The following ALDH7A1 variants were observed in gnomAD, a reference collection of about 807,000 sequenced individuals.
ALDH7A1 encodes the protein alpha-aminoadipic semialdehyde dehydrogenase.
A neutral mutation model predicts 79.9 loss-of-function variants in ALDH7A1; 63 were observed. The ratio of observed to expected loss-of-function variants is 0.79; its 90% confidence interval spans 0.64 to 0.97. The LOEUF (loss-of-function observed/expected upper bound fraction) is 0.97, where lower values mean the gene tolerates loss of function less well. ALDH7A1 is among the 50% of genes least tolerant of loss of function. ALDH7A1 has a pLI of 0.00. For synonymous variants in ALDH7A1, 240 were observed against 231.2 expected, an observed-to-expected ratio of 1.04 and a Z score of -0.34; for missense variants, 627 against 665.2, an observed-to-expected ratio of 0.94 and a Z score of 0.63.
intron 7 of ALDH7A1, among the ~76,000 whole-genome samples, chr5:126,572,349 C>A (rs74419541): frequency 1.3e-5 from 2 of 152,204 alleles, no homozygotes; most frequent in Non-Finnish European, 2.9e-5. Context: ...ATGTACAATT[C>A]TTCCCAGGGA....
Position 126,546,398 on chromosome 5 carries a change from T to G in ALDH7A1, c.1491A>C (p.Gly497=). ...TSGAEIGGAF[G]GEKHTGGGRE... is the part of the protein sequence containing the mutation. ...TGCCACCACCAGTGTGCTTTTCTCC[T>G]CCTAGAGAAATAAAAAATAATATCA... Residue 497 remains glycine, a splice_region_variant and synonymous_variant, in exon 17 of 18, where the codon GGA becomes GGC. Transcript: ENST00000409134. The G allele has an allele frequency of 6.2e-7, 1 of 1,613,680 alleles. No homozygotes were observed.
chr5:126,543,379 C>A lies in ALDH7A1; in HGVS notation c.*1586G>T, dbSNP rs1468057201. 1 of 152,160 alleles carries A rather than the reference C, an allele frequency of 6.6e-6. No individual in the cohort carries two copies. The highest frequency in any genetic ancestry group is 2.4e-5 in the African/African-American group (1 of 41,442). 9.4% of individuals were successfully genotyped at this position (152,160 alleles called of 1,614,324 possible). On this transcript the variant is annotated 3_prime_UTR_variant, in exon 18 of 18. Transcript: ENST00000409134. ...TCTATAGCTAAGATTATCACTCCCA[C>A]ATACCCTCACCCATGATTTCTTCCT...
intron 16 of ALDH7A1, among the ~76,000 whole-genome samples, chr5:126,546,806 TATTAA>T (rs1169215715): frequency 6.6e-6 from 1 of 152,196 alleles, no homozygotes; most frequent in African/African-American, 2.4e-5. Context: ...CAATAACTTG[TATTAA>T]ATTATCAGGG....
rs1334697904 is a variant in ALDH7A1, at chr5:126,543,574, T to C, written c.*1391A>G. On this transcript the variant is annotated 3_prime_UTR_variant, in exon 18 of 18. Transcript: ENST00000409134. ...TTAGTTTTTCATTTGCTTACTTCTC[T>C]GGGCCATAATTCAACCCCAAATTAT... 1.3e-5 allele frequency: 2 copies of C among 152,244 alleles called. No individual in the cohort carries two copies. Among genetic ancestry groups the C allele is most frequent in the Non-Finnish European group, 2.9e-5 (2 of 68,042 alleles). 9.4% of individuals were successfully genotyped at this position (152,244 alleles called of 1,614,324 possible).
intron 8 of ALDH7A1, chr5:126,568,897 T>C: frequency 6.3e-6 from 1 of 158,490 alleles, no homozygotes; most frequent in Non-Finnish European, 1.4e-5. Context: ...CCAGCCTAGG[T>C]GACAGAGTGA....
At position 126,542,137 on chromosome 5, in the gene ALDH7A1, C is replaced by T. The variant is rs1257382497; in HGVS notation, c.*2828G>A. The T allele has an allele frequency of 7.2e-6, 1 of 138,004 alleles. No homozygotes were observed. Among genetic ancestry groups the T allele is most frequent in the Non-Finnish European group, 1.5e-5 (1 of 65,596 alleles). The allele number at this position is 138,004 out of a possible 1,614,324, so 8.5% of individuals were successfully genotyped here. A position where few individuals can be genotyped will look rare whatever the true frequency, so the allele number is the denominator to read the frequency against. On this transcript the variant is annotated 3_prime_UTR_variant, in exon 18 of 18. Transcript: ENST00000409134. ...GCAGGAAGCTTCTGCAGGATAAGCTCCAGGTGTAGAAAAAAAAAAAAAAAA... is the reference window on the plus strand; with the variant it reads ...GCAGGAAGCTTCTGCAGGATAAGCTTCAGGTGTAGAAAAAAAAAAAAAAAA...
chr5:126,593,499 A>C, intron 1 of ALDH7A1, 95 bp from the exon 2 acceptor site: 2 of 1,539,154 alleles, frequency 1.3e-6, no homozygotes, highest in Non-Finnish European at 1.8e-6. Context: ...AGAGAGGAAA[A>C]AATGATATAA....
intron 7 of ALDH7A1, among the ~76,000 whole-genome samples, chr5:126,575,034 A>C (rs1017131453): frequency 6.6e-6 from 1 of 152,194 alleles, no homozygotes; most frequent in African/African-American, 2.4e-5. Context: ...TTTTGTTAAC[A>C]CTCTATTAAG....
rs756568507 is a variant in ALDH7A1, at chr5:126,554,331, C to T, written c.1156G>A (p.Glu386Lys). ...QAVSMFLGAV[E>K]EAKKEGGTVV... ...GTGCCACCTTCTTTCTTTGCTTCTT[C>T]CACTGCTCCAAGAAACATGCTCACT... The change falls in exon 13 of 18, where the codon GAA becomes AAA. Residue 386 changes from glutamate to lysine, a missense_variant. Physicochemically the swap from Glu to Lys is moderately conservative, Grantham distance 56. Coordinates refer to ENST00000409134, the MANE Select transcript of ALDH7A1 (RefSeq NM_001182.5). 4.2e-5 allele frequency: 67 copies of T among 1,614,030 alleles called. No individual in the cohort carries two copies. Among genetic ancestry groups the T allele is most frequent in the Non-Finnish European group, 5.5e-5 (65 of 1,180,016 alleles).
intron 9 of ALDH7A1, among the ~76,000 whole-genome samples, chr5:126,565,673 C>T (rs1226275552): frequency 6.6e-6 from 1 of 152,132 alleles, no homozygotes; most frequent in African/African-American, 2.4e-5. Context: ...TTCTAAGAAA[C>T]CATCGCCTAA....
chr5:126,554,638 G>A, intron 12 of ALDH7A1: 1 of 517,856 alleles, frequency 1.9e-6, no homozygotes, highest in South Asian at 2.0e-5. Flanking sequence ...TAAATGACAT[G>A]CAAATGAGTG....
intron 17 of ALDH7A1, among the ~76,000 whole-genome samples, chr5:126,545,514 C>G (rs1383721764): frequency 6.7e-6 from 1 of 148,222 alleles, no homozygotes; most frequent in Non-Finnish European, 1.5e-5. Flanking sequence ...CCACCTGCCT[C>G]AGCCTCCTGA....
rs1162631387 is a variant in ALDH7A1 at position 126,575,432 on chromosome 5, A to G, written c.683T>C (p.Val228Ala). Reference protein sequence around the residue: ...KGAPTTSLISVAVTKIIAKVL... With the variant: ...KGAPTTSLISAAVTKIIAKVL... ...CACATGTACTTACTTTGTGACAGCC[A>G]CACTAATGAGGGAAGTGGTTGGAGC... is the stretch of plus-strand genomic sequence containing the variant. The change falls in exon 7 of 18, where the codon GTG becomes GCG. Residue 228 changes from valine (V) to alanine (A), a missense_variant. Coordinates refer to ENST00000409134, the MANE Select transcript of ALDH7A1 (RefSeq NM_001182.5). The G allele has an allele frequency of 3.7e-6, 6 of 1,613,522 alleles. No individual in the cohort carries two copies. The highest frequency in any genetic ancestry group is 1.7e-5 in the Admixed American group (1 of 59,980).
intron 9 of ALDH7A1, among the ~76,000 whole-genome samples, chr5:126,565,335 G>A (rs1750540114): frequency 1.4e-5 from 2 of 143,702 alleles, no homozygotes; most frequent in Admixed American, 1.4e-4. Context: ...AGAGGTTGCA[G>A]TGAGCCAGGA....
chr5:126,577,138 A>G lies in ALDH7A1; in HGVS notation c.591T>C (p.Pro197=). 6.2e-7 allele frequency: 1 copy of G among 1,614,218 alleles called. No individual in the cohort carries two copies. Among genetic ancestry groups the G allele is most frequent in the Non-Finnish European group, 8.5e-7 (1 of 1,180,042 alleles). ...LVGIITAFNF[P]VAVYGWNNAI... ...CGTTGTTCCAACCATACACTGCCAC[A>G]GGGAAATTGAATGCCGTGATGATTC... The change falls in exon 6 of 18, where the codon CCT becomes CCC. Residue 197 remains proline, a synonymous_variant. Coordinates refer to ENST00000409134, the MANE Select transcript of ALDH7A1 (RefSeq NM_001182.5).
intron 7 of ALDH7A1, among the ~76,000 whole-genome samples, chr5:126,572,394 G>A (rs1750806004): frequency 6.6e-6 from 1 of 152,166 alleles, no homozygotes; most frequent in East Asian, 1.9e-4. Flanking sequence ...CAAGTAGACT[G>A]TACTCTCTTT....
intron 7 of ALDH7A1, among the ~76,000 whole-genome samples, chr5:126,572,124 A>G (rs1750799114): frequency 2.0e-5 from 3 of 152,302 alleles, no homozygotes; most frequent in Non-Finnish European, 1.5e-5. Flanking sequence ...AGCAAAGGTT[A>G]TTTTCATCAA....
intron 9 of ALDH7A1, among the ~76,000 whole-genome samples, chr5:126,567,383 T>C (rs1475694392): frequency 1.3e-5 from 2 of 152,226 alleles, no homozygotes; most frequent in Non-Finnish European, 2.9e-5. Flanking sequence ...TCAAGTACTA[T>C]TTCTTTACAG....
At chr5:126,557,417 T>C (rs1750234058) in intron 11 of ALDH7A1, among the ~76,000 whole-genome samples, 1 of 151,834 alleles carries the variant, frequency 6.6e-6, no homozygotes, top group South Asian at 2.1e-4. Context: ...CAAAATCCCA[T>C]CTCTAATAAA....
Sources: allele counts gnomAD v4.1 joint callset (sites outside exome capture counted in the v4.1 genomes callset), GRCh38; gene constraint gnomAD v4.1.1; transcripts MANE v1.5; gene names NCBI Gene and HGNC (gene_info 2026-07-23, HGNC 2026-07-21).